The following PTPRR variants were observed in gnomAD, a reference collection of about 807,000 sequenced individuals.
PTPRR encodes the protein protein tyrosine phosphatase receptor type R.
A neutral mutation model predicts 77.2 loss-of-function variants in PTPRR; 38 were observed. The ratio of observed to expected loss-of-function variants is 0.49; its 90% CI spans 0.38 to 0.65. PTPRR has a LOEUF of 0.65. PTPRR is among the 30% of genes least tolerant of loss of function. The probability of loss-of-function intolerance (pLI) is 0.00; values close to 1 mark genes in which losing one functional copy is unlikely to be tolerated. For missense variants in PTPRR, 744 were observed against 799.2 expected (o/e 0.93, Z 0.83); for synonymous variants, 299 against 283.1 (o/e 1.06, Z -0.57).
chr12:70,870,805 C>T (rs1264890191), intron 2 of PTPRR, among the ~76,000 whole-genome samples: 4 of 152,172 alleles, frequency 2.6e-5, no homozygotes, highest in Non-Finnish European at 4.4e-5. Flanking sequence ...TGCAAAGATG[C>T]ACAGTAACAT....
chr12:70,802,411 C>A (rs1266379173), intron 2 of PTPRR, among the ~76,000 whole-genome samples: 3 of 151,948 alleles, frequency 2.0e-5, no homozygotes, highest in African/African-American at 7.3e-5. Flanking sequence ...AGATTTTAAT[C>A]AATATATGGT....
intron 2 of PTPRR, among the ~76,000 whole-genome samples, chr12:70,781,985 T>C (rs1891212196): frequency 6.6e-6 from 1 of 152,182 alleles, no homozygotes; most frequent in Non-Finnish European, 1.5e-5. Context: ...TTTCATATCC[T>C]TGCTCAGTTG....
At chr12:70,657,084 T>C (rs985189358) in intron 12 of PTPRR, among the ~76,000 whole-genome samples, 45 of 151,888 alleles carry the variant, frequency 3.0e-4, no homozygotes, top group Non-Finnish European at 1.8e-4. Context: ...TAAAAAATAA[T>C]TAAGGTCTGC....
intron 2 of PTPRR, among the ~76,000 whole-genome samples, chr12:70,811,022 A>C (rs533320019): frequency 4.6e-5 from 7 of 152,176 alleles, no homozygotes; most frequent in Non-Finnish European, 1.0e-4. Context: ...GCCCTTAGGT[A>C]TCTTTGTGAT....
intron 1 of PTPRR, among the ~76,000 whole-genome samples, chr12:70,898,181 G>A (rs978500025): frequency 6.7e-6 from 1 of 150,250 alleles, no homozygotes; most frequent in Non-Finnish European, 1.5e-5. Flanking sequence ...GAATCCATAT[G>A]TAGAAACCTA....
chr12:70,730,273 G>T (rs1440615689), intron 6 of PTPRR, among the ~76,000 whole-genome samples: 2 of 152,218 alleles, frequency 1.3e-5, no homozygotes, highest in Non-Finnish European at 2.9e-5. Context: ...CACTTTGGGA[G>T]GCCAAGGCAG....
chr12:70,774,976 C>T (rs1314243230), intron 2 of PTPRR, among the ~76,000 whole-genome samples: 1 of 152,148 alleles, frequency 6.6e-6, no homozygotes, highest in East Asian at 1.9e-4. Context: ...TTTCAAGTTG[C>T]TGTACAACAT....
At chr12:70,868,058 A>T (rs1565723954) in intron 2 of PTPRR, among the ~76,000 whole-genome samples, 1 of 152,194 alleles carries the variant, frequency 6.6e-6, no homozygotes, top group East Asian at 1.9e-4. Flanking sequence ...AAAGACTTAC[A>T]TGTTAGACCT....
At chr12:70,767,872 A>G (rs1890867440) in intron 2 of PTPRR, among the ~76,000 whole-genome samples, 1 of 152,140 alleles carries the variant, frequency 6.6e-6, no homozygotes, top group South Asian at 2.1e-4. Context: ...ACTCAAAACC[A>G]CTCAACTACA....
rs76778689 is a variant in PTPRR, at chr12:70,830,320, T to C, written c.357+62359A>G. Among the ~76,000 whole-genome samples, 1,082 of 152,298 alleles carry C rather than the reference T, an allele frequency of 7.1e-3. 14 individuals are homozygous for C. The highest frequency in any genetic ancestry group is 0.025 in the African/African-American group (1,037 of 41,564). On this transcript the variant is annotated intron_variant, in intron 2 of 13. Transcript: ENST00000283228. ...ATATTTCTCACTCACGCACTCCATG[T>C]CCACAGGGAGTTCTGCTCACTGCCC...
intron 2 of PTPRR, among the ~76,000 whole-genome samples, chr12:70,772,829 C>T (rs1364581485): frequency 6.6e-6 from 1 of 152,042 alleles, no homozygotes; most frequent in Non-Finnish European, 1.5e-5. Context: ...ATATCAAACA[C>T]AATCAGTAAC....
At chr12:70,724,653 C>G (rs1382465291) in intron 6 of PTPRR, among the ~76,000 whole-genome samples, 2 of 151,932 alleles carry the variant, frequency 1.3e-5, no homozygotes, top group South Asian at 2.1e-4. Context: ...TATTACTGAC[C>G]CCTATTGGTA....
At chr12:70,784,473 C>T (rs1453356771) in intron 2 of PTPRR, among the ~76,000 whole-genome samples, 3 of 152,160 alleles carry the variant, frequency 2.0e-5, no homozygotes, top group Non-Finnish European at 4.4e-5. Context: ...GGCCCGGGAG[C>T]TCAGGGGCTA....
At chr12:70,643,141 T>C (rs1886069342) in intron 13 of PTPRR, among the ~76,000 whole-genome samples, 1 of 152,160 alleles carries the variant, frequency 6.6e-6, no homozygotes, top group African/African-American at 2.4e-5. Context: ...GTCTTCTTTC[T>C]TCTTATTTTT....
At chr12:70,839,335 G>GTT (rs966884958) in intron 2 of PTPRR, among the ~76,000 whole-genome samples, 2 of 151,954 alleles carry the variant, frequency 1.3e-5, no homozygotes, top group Admixed American at 6.6e-5. Flanking sequence ...GTGTGTGTGT[G>GTT]TGTGTTAAAA....
At chr12:70,803,773 G>GT (rs1649625946) in intron 2 of PTPRR, among the ~76,000 whole-genome samples, 1 of 152,132 alleles carries the variant, frequency 6.6e-6, no homozygotes, top group Admixed American at 6.5e-5. Context: ...TAGGCCATTT[G>GT]TATCTATTTG....
At chr12:70,727,337 G>A (rs1592709797) in intron 6 of PTPRR, among the ~76,000 whole-genome samples, 1 of 151,998 alleles carries the variant, frequency 6.6e-6, no homozygotes, top group Non-Finnish European at 1.5e-5. Context: ...AACTATAGTA[G>A]TTTCCAGAAA....
intron 2 of PTPRR, among the ~76,000 whole-genome samples, chr12:70,885,090 C>T (rs1309982203): frequency 6.6e-6 from 1 of 151,506 alleles, no homozygotes; most frequent in African/African-American, 2.4e-5. Context: ...ATAATTTGCC[C>T]AAATGAAAAA....
chr12:70,834,530 A>G (rs1048581772), intron 2 of PTPRR, among the ~76,000 whole-genome samples: 1 of 152,164 alleles, frequency 6.6e-6, no homozygotes, highest in African/African-American at 2.4e-5. Flanking sequence ...TCATTATCTC[A>G]TGTTGAAATA....
Sources: allele counts gnomAD v4.1 joint callset (sites outside exome capture counted in the v4.1 genomes callset), GRCh38; gene constraint gnomAD v4.1.1; transcripts MANE v1.5; gene names NCBI Gene and HGNC (gene_info 2026-07-23, HGNC 2026-07-21).